The following NRXN1 variants were observed in gnomAD, a reference collection of about 807,000 sequenced individuals.
NRXN1 encodes neurexin 1.
NRXN1 carries 39 observed loss-of-function variants against 150.9 expected under a neutral mutation model. The observed-to-expected ratio is 0.26, with a 90% CI of 0.20 to 0.34. The LOEUF (loss-of-function observed/expected upper bound fraction) is 0.34. Ranked by LOEUF, NRXN1 falls within the 10% of genes least tolerant of loss-of-function variation. The pLI is 1.00. For synonymous variants in NRXN1, 924 were observed against 757.0 expected (o/e 1.22, Z -3.62); for missense variants, 1,815 against 1,949.9 (o/e 0.93, Z 1.30).
chr2:50,115,524 A>C (rs1304688391), intron 18 of NRXN1, among the ~76,000 whole-genome samples: 1 of 152,034 alleles, frequency 6.6e-6, no homozygotes, highest in East Asian at 1.9e-4. Context: ...CTTGAAACTT[A>C]TTATGGTGAA....
chr2:50,656,535 T>C (rs1259239318), intron 5 of NRXN1: 3 of 585,740 alleles, frequency 5.1e-6, no homozygotes, highest in Non-Finnish European at 9.4e-6. Flanking sequence ...ATCCCCTAAA[T>C]AATATTTATT....
chr2:50,696,234 T>TACAC (rs368021821), intron 5 of NRXN1: 1 of 150,268 alleles, frequency 6.7e-6, no homozygotes, highest in African/African-American at 2.4e-5. Flanking sequence ...ATATGCTATA[T>TACAC]ACACACACAC....
At chr2:50,012,575 A>G (rs1213963351) in intron 21 of NRXN1, among the ~76,000 whole-genome samples, 1 of 152,080 alleles carries the variant, frequency 6.6e-6, no homozygotes, top group Non-Finnish European at 1.5e-5. Context: ...ACCTCCATTC[A>G]TCTTACAGAT....
chr2:50,655,660 T>C (rs1386729565), intron 5 of NRXN1, among the ~76,000 whole-genome samples: 1 of 151,190 alleles, frequency 6.6e-6, no homozygotes, highest in African/African-American at 2.5e-5. Flanking sequence ...TGTTTTTATT[T>C]TTCTTTTGGG....
rs183320459 is a variant in NRXN1 at position 50,118,102 on chromosome 2, A to G, written c.3547-26608T>C. On this transcript the variant is annotated intron_variant, in intron 18 of 22. Coordinates refer to ENST00000401669, the MANE Select transcript of NRXN1 (RefSeq NM_001330078.2). Reference sequence around the variant, plus strand: ...GGTAAAGGTGTTTAGGAGAAAATACAAAAGTAAGATCTTAACGTTGTACTT... The same window carrying G: ...GGTAAAGGTGTTTAGGAGAAAATACGAAAGTAAGATCTTAACGTTGTACTT... 1.1e-4 allele frequency among the ~76,000 whole-genome samples: 16 copies of G among 152,334 alleles called. No homozygotes were observed. In the East Asian group the frequency reaches 3.1e-3, roughly 29 times the overall value.
At chr2:49,936,817 T>TACACACAC (rs58323578) in intron 22 of NRXN1, among the ~76,000 whole-genome samples, 1 of 148,498 alleles carries the variant, frequency 6.7e-6, no homozygotes, top group African/African-American at 2.5e-5. Context: ...AAAACATATG[T>TACACACAC]ACACACACAC....
chr2:50,969,071 A>G (rs1378131595), intron 2 of NRXN1, among the ~76,000 whole-genome samples: 1 of 152,018 alleles, frequency 6.6e-6, no homozygotes, highest in African/African-American at 2.4e-5. Context: ...TACTTAGCAA[A>G]TTGGCCAGTG....
chr2:49,928,091 T>G (rs1388273167), intron 22 of NRXN1, among the ~76,000 whole-genome samples: 1 of 151,404 alleles, frequency 6.6e-6, no homozygotes, highest in East Asian at 1.9e-4. Context: ...AAACTACCAA[T>G]CTTAGGAAAT....
At chr2:50,863,906 T>C (rs1222406581) in intron 5 of NRXN1, among the ~76,000 whole-genome samples, 1 of 152,026 alleles carries the variant, frequency 6.6e-6, no homozygotes, top group African/African-American at 2.4e-5. Flanking sequence ...GAAACTTTTT[T>C]GTCTCATTAG....
chr2:49,943,652 G>T, intron 22 of NRXN1, 52 bp downstream of exon 22: 2 of 1,230,908 alleles, frequency 1.6e-6, no homozygotes, highest in African/African-American at 1.5e-5. Context: ...AATATAACAT[G>T]CAACAAAGAT....
chr2:50,910,819 G>C (rs557456985), intron 5 of NRXN1, among the ~76,000 whole-genome samples: 1 of 151,942 alleles, frequency 6.6e-6, no homozygotes, highest in Non-Finnish European at 1.5e-5. Context: ...GACCAAAAAA[G>C]TAAGATTCAG....
rs546500232 is a variant in NRXN1, at chr2:50,070,769, CA to C, written c.3719-15726del. 9.5e-3 allele frequency among the ~76,000 whole-genome samples: 892 copies of C among 94,058 alleles called. 2 individuals carry two copies. Among genetic ancestry groups the C allele is most frequent in the African/African-American group, 0.031 (750 of 24,460 alleles). The allele number at this position is 94,058 out of a possible 152,430, so 61.7% of individuals were successfully genotyped here. ...TGGGCGACAGAGCGAGACTCCGTCT[CA>C]AAAAAAAAAAAAAAAAAAACCTGTA... On this transcript the variant is annotated intron_variant, in intron 19 of 22. Transcript: ENST00000401669.
intron 5 of NRXN1, among the ~76,000 whole-genome samples, chr2:50,649,079 T>G (rs375405415): frequency 2.0e-5 from 3 of 152,134 alleles, no homozygotes; most frequent in African/African-American, 7.2e-5. Context: ...TCAGCTTAAT[T>G]TAAAATCCAC....
rs555303197 is a variant in NRXN1 at position 49,939,684 on chromosome 2, G to A, written c.4216+4020C>T. On this transcript the variant is annotated intron_variant, in intron 22 of 22. Coordinates refer to ENST00000401669, the MANE Select transcript of NRXN1 (RefSeq NM_001330078.2). The stretch of plus-strand genomic sequence containing the variant: ...GGAAAAGTAACAGCATTATGTAAAA[G>A]GGAAAATAGCTTGGAATATTCTTTT... Among the ~76,000 whole-genome samples, 15 of 152,232 alleles carry A rather than the reference G, an allele frequency of 9.9e-5. 1 individual carries two copies. The highest frequency in any genetic ancestry group is 3.6e-4 in the African/African-American group (15 of 41,532).
At position 50,312,742 on chromosome 2, in the gene NRXN1, C is replaced by T. The variant is rs567087080; in HGVS notation, c.3365-75772G>A. On this transcript the variant is annotated intron_variant, in intron 17 of 22. Transcript: ENST00000401669. ...CTATCAGATTTGTGTCATAGGTAAG[C>T]CAAATACATATGTTGCAATTTCAGC... is the stretch of plus-strand genomic sequence containing the variant. 1.4e-5 allele frequency: 7 copies of T among 516,776 alleles called. No individual in the cohort carries two copies. The Admixed American group carries it at 1.4e-4, about 10-fold the overall frequency. The allele number at this position is 516,776 out of a possible 1,614,324, so 32.0% of individuals were successfully genotyped here.
intron 17 of NRXN1, among the ~76,000 whole-genome samples, chr2:50,249,413 C>G (rs536049541): frequency 1.3e-5 from 2 of 151,852 alleles, no homozygotes; most frequent in South Asian, 2.1e-4. Flanking sequence ...AAAAACAATG[C>G]GGAGACAACA....
At chr2:50,840,702 A>G (rs1424402470) in intron 5 of NRXN1, among the ~76,000 whole-genome samples, 4 of 152,168 alleles carry the variant, frequency 2.6e-5, no homozygotes, top group Admixed American at 1.3e-4. Flanking sequence ...CCTACTTTAC[A>G]TAAGTGATGC....
At chr2:50,627,500 T>C (rs770181780) in intron 5 of NRXN1, among the ~76,000 whole-genome samples, 4 of 151,526 alleles carry the variant, frequency 2.6e-5, no homozygotes, top group Non-Finnish European at 5.9e-5. Context: ...CTATTGGTTA[T>C]CTATAAGAGA....
At chr2:50,040,675 T>C (rs529894996) in intron 21 of NRXN1, among the ~76,000 whole-genome samples, 1 of 152,126 alleles carries the variant, frequency 6.6e-6, no homozygotes, top group Non-Finnish European at 1.5e-5. Context: ...ATGTGCTTGC[T>C]TTATATTAAT....
Sources: gnomAD v4.1 joint callset for allele counts (sites outside exome capture counted in the v4.1 genomes callset) on GRCh38, gnomAD v4.1.1 for gene constraint, MANE v1.5 for transcripts, NCBI Gene and HGNC (gene_info 2026-07-23, HGNC 2026-07-21) for gene names.